Variants in SNRK observed in about 807,000 individuals in gnomAD.
SNRK encodes the protein SNF related kinase, also known as SNF-related serine/threonine-protein kinase.
In SNRK, 3 loss-of-function variants were observed where a neutral mutation model predicts 48.2. The observed-to-expected ratio is 0.06, with a 90% confidence interval of 0.03 to 0.16. The LOEUF (loss-of-function observed/expected upper bound fraction) is 0.16, where lower values mean the gene tolerates loss of function less well. SNRK is among the 10% of genes least tolerant of loss of function. The pLI, the probability that SNRK is intolerant of heterozygous loss-of-function variation, is 1.00. For synonymous variants in SNRK, 376 were observed against 366.1 expected (o/e 1.03, Z -0.31); for missense variants, 627 against 976.0 (o/e 0.64, Z 4.76).
intron 1 of SNRK, among the ~76,000 whole-genome samples, chr3:43,299,340 G>A (rs533675160): frequency 6.6e-6 from 1 of 152,232 alleles, no homozygotes; most frequent in Non-Finnish European, 1.5e-5. Flanking sequence ...TCCACGCCTG[G>A]CTAATTTTTG....
chr3:43,289,211 G>T (rs372734506), intron 1 of SNRK, among the ~76,000 whole-genome samples: 1 of 152,296 alleles, frequency 6.6e-6, no homozygotes, highest in South Asian at 2.1e-4. Context: ...CTTCACAGAG[G>T]AGGTGATGGT....
intron 3 of SNRK, among the ~76,000 whole-genome samples, chr3:43,309,538 A>G (rs1300293662): frequency 6.6e-6 from 1 of 152,156 alleles, no homozygotes; most frequent in African/African-American, 2.4e-5. Context: ...GCAGCCATCA[A>G]CATCAAGGCA....
At chr3:43,300,292 T>C (rs1253681795) in intron 2 of SNRK, among the ~76,000 whole-genome samples, 1 of 152,142 alleles carries the variant, frequency 6.6e-6, no homozygotes, top group Non-Finnish European at 1.5e-5. Flanking sequence ...TAGGGTTTAA[T>C]AGTACTTATC....
At chr3:43,310,897 C>CT (rs1313837085) in intron 3 of SNRK, among the ~76,000 whole-genome samples, 1 of 152,050 alleles carries the variant, frequency 6.6e-6, no homozygotes, top group African/African-American at 2.4e-5. Flanking sequence ...GTTTGATGAA[C>CT]TTGGTTCCTC....
chr3:43,326,413 A>G (rs573771394), intron 3 of SNRK, among the ~76,000 whole-genome samples: 11 of 150,684 alleles, frequency 7.3e-5, no homozygotes, highest in Non-Finnish European at 1.3e-4. Context: ...TCATTCAGCA[A>G]ACTTGTGTTG....
Position 43,348,468 on chromosome 3 carries a change from GA to G in SNRK, c.2213del (p.Lys738ArgfsTer5). The G allele has an allele frequency of 6.2e-7, 1 of 1,607,802 alleles. No individual in the cohort carries two copies. The highest frequency in any genetic ancestry group is 8.5e-7 in the Non-Finnish European group (1 of 1,177,226). ...KNNVLQLPLC[E>X]KTISVNIQRN... is the part of the protein sequence containing the mutation. ...TAACGTGCTGCAGCTACCTCTGTGC[GA>G]AAAGACCATCTCTGTGAACATCCAG... On this transcript the variant is annotated frameshift_variant, in exon 7 of 7. Coordinates refer to ENST00000296088, the MANE Select transcript of SNRK (RefSeq NM_017719.5). LOFTEE classifies it high-confidence loss of function.
chr3:43,293,176 T>C (rs566749845), intron 1 of SNRK, among the ~76,000 whole-genome samples: 2 of 152,172 alleles, frequency 1.3e-5, no homozygotes, highest in South Asian at 2.1e-4. Context: ...TGATCTCGGC[T>C]CACTACAGCA....
rs747370114 is a variant in SNRK, at chr3:43,303,150, T to C, written c.-54T>C. 3.1e-5 allele frequency: 41 copies of C among 1,303,922 alleles called. No homozygotes were observed. Among genetic ancestry groups the C allele is most frequent in the Admixed American group, 4.3e-5 (2 of 47,036 alleles). The allele number at this position is 1,303,922 out of a possible 1,614,324, so 80.8% of individuals were successfully genotyped here. ...TTTTTGTATTCACCAGATATTCTTA[T>C]ATGAGAAGATCTATTTTAAACAGTC... is the stretch of plus-strand genomic sequence containing the variant. On this transcript the variant is annotated 5_prime_UTR_variant, in exon 3 of 7. Coordinates refer to ENST00000296088, the MANE Select transcript of SNRK (RefSeq NM_017719.5). This position sits in a 1 kb window ranked among gnomAD's most constrained non-coding sequence, Gnocchi z 6.2.
chr3:43,307,343 C>T (rs2090945501), intron 3 of SNRK, among the ~76,000 whole-genome samples: 2 of 152,162 alleles, frequency 1.3e-5, no homozygotes, highest in South Asian at 2.1e-4. Flanking sequence ...AAAGGCATAC[C>T]TCATTTTATT....
At chr3:43,332,973 C>T (rs1408711529) in intron 4 of SNRK, 1 of 152,100 alleles carries the variant, frequency 6.6e-6, no homozygotes, top group African/African-American at 2.4e-5. Flanking sequence ...TTTTAATGAG[C>T]TCAGCTGAGA....
In SNRK at chr3:43,335,601, A is replaced by G. The variant is rs531673882; in HGVS notation, c.731+3291A>G. 1.7e-4 allele frequency among the ~76,000 whole-genome samples: 26 copies of G among 152,248 alleles called. No individual in the cohort carries two copies. In the South Asian group the frequency reaches 5.2e-3, roughly 30 times the overall value. On this transcript the variant is annotated intron_variant, in intron 4 of 6. Transcript: ENST00000296088. Reference sequence around the variant, plus strand: ...ATCAAGCTTTTTTATTATGCTGTTCAAAATTATTTGCATCCTGTATGAGTT... The same window carrying G: ...ATCAAGCTTTTTTATTATGCTGTTCGAAATTATTTGCATCCTGTATGAGTT...
chr3:43,286,978 G>A (rs1359637509), intron 1 of SNRK, among the ~76,000 whole-genome samples: 1 of 146,318 alleles, frequency 6.8e-6, no homozygotes, highest in Non-Finnish European at 1.5e-5. Flanking sequence ...CTGCCCTTGC[G>A]GCCGCGGCGG....
At chr3:43,333,358 C>CAAAAAAAAAAA (rs33994267) in intron 4 of SNRK, 1 of 62,294 alleles carries the variant, frequency 1.6e-5, no homozygotes, top group African/African-American at 6.8e-5. Flanking sequence ...GACTCTGTCT[C>CAAAAAAAAAAA]AAAAAAAAAA....
At chr3:43,300,650 C>A (rs933427105) in intron 2 of SNRK, among the ~76,000 whole-genome samples, 5 of 148,566 alleles carry the variant, frequency 3.4e-5, no homozygotes, top group African/African-American at 5.1e-5. Context: ...TAAATATACC[C>A]AAATTAAAAT....
chr3:43,289,152 C>A (rs932723829), intron 1 of SNRK, among the ~76,000 whole-genome samples: 6 of 152,090 alleles, frequency 3.9e-5, no homozygotes, highest in Non-Finnish European at 8.8e-5. Context: ...TAGGGAAAAA[C>A]CTGCAGAAGC....
chr3:43,323,548 G>T (rs2091071500), intron 3 of SNRK, among the ~76,000 whole-genome samples: 1 of 152,148 alleles, frequency 6.6e-6, no homozygotes, highest in African/African-American at 2.4e-5. Context: ...AAATCATTTG[G>T]CAGTTTCTTA....
intron 1 of SNRK, among the ~76,000 whole-genome samples, chr3:43,291,039 A>G (rs576548708): frequency 2.3e-4 from 35 of 152,238 alleles, no homozygotes; most frequent in Non-Finnish European, 4.7e-4. Context: ...GGAGTTGGGG[A>G]GGGCAAGGGG....
chr3:43,340,638 A>C (rs1015376146), intron 5 of SNRK, 139 bp downstream of exon 5: 3 of 772,080 alleles, frequency 3.9e-6, no homozygotes, highest in African/African-American at 3.5e-5. Flanking sequence ...TTTATCTCTA[A>C]AGTTCTTGGC....
chr3:43,325,562 A>G (rs2091090839), intron 3 of SNRK, among the ~76,000 whole-genome samples: 1 of 152,220 alleles, frequency 6.6e-6, no homozygotes, highest in African/African-American at 2.4e-5. Context: ...CCAAATTTAT[A>G]AAATGCTGAT....
Sources: gnomAD v4.1 joint callset for allele counts (sites outside exome capture counted in the v4.1 genomes callset) on GRCh38, gnomAD v4.1.1 for gene constraint, Gnocchi (gnomAD v3.1) non-coding constraint, MANE v1.5 for transcripts, NCBI Gene and HGNC (gene_info 2026-07-23, HGNC 2026-07-21) for gene names.